Variants in BSPRY observed in about 807,000 individuals in gnomAD.
BSPRY encodes the protein B-box and SPRY domain containing.
BSPRY carries 33 observed loss-of-function variants against 38.0 expected under a neutral mutation model. That is an observed-to-expected ratio of 0.87 (90% CI 0.66 to 1.16). BSPRY has a LOEUF of 1.16. Ranked by LOEUF, BSPRY falls within the 50% of genes most tolerant of loss-of-function variation. BSPRY has a pLI of 0.00. For synonymous variants in BSPRY, 224 were observed against 228.5 expected (o/e 0.98, Z 0.18); for missense variants, 523 against 533.2 (o/e 0.98, Z 0.19).
chr9:113,352,331 C>T (rs6478006), intron 1 of BSPRY, among the ~76,000 whole-genome samples: 1 of 151,934 alleles, frequency 6.6e-6, no homozygotes, highest in Non-Finnish European at 1.5e-5. Context: ...AGACAGATAC[C>T]CAAAAAGGTA....
At chr9:113,363,922 C>T (rs1834199620) in intron 4 of BSPRY, among the ~76,000 whole-genome samples, 1 of 141,790 alleles carries the variant, frequency 7.1e-6, no homozygotes, top group African/African-American at 2.6e-5. Flanking sequence ...GGCGTGATGA[C>T]TCACGCCTGT....
At chr9:113,357,776 A>T (rs932816247) in intron 2 of BSPRY, among the ~76,000 whole-genome samples, 3 of 150,592 alleles carry the variant, frequency 2.0e-5, no homozygotes, top group African/African-American at 7.3e-5. Flanking sequence ...TGGCGCAATC[A>T]TAGCTCACTG....
At chr9:113,355,997 T>C (rs1834051614) in intron 2 of BSPRY, among the ~76,000 whole-genome samples, 1 of 152,192 alleles carries the variant, frequency 6.6e-6, no homozygotes, top group South Asian at 2.1e-4. Context: ...GCACCTACCA[T>C]GTGCCAGATA....
At chr9:113,349,974 C>A (rs1017549623) in intron 1 of BSPRY, among the ~76,000 whole-genome samples, 194 bp downstream of exon 1, 12 of 152,138 alleles carry the variant, frequency 7.9e-5, no homozygotes, top group African/African-American at 2.9e-4. Flanking sequence ...GGCCTGAGTT[C>A]GAATCTACTC....
At chr9:113,350,833 C>G (rs1351553202) in intron 1 of BSPRY, among the ~76,000 whole-genome samples, 1 of 152,168 alleles carries the variant, frequency 6.6e-6, no homozygotes, top group African/African-American at 2.4e-5. Flanking sequence ...ACCTGGATAA[C>G]GCGGTGTAAT....
intron 1 of BSPRY, among the ~76,000 whole-genome samples, chr9:113,352,455 A>T (rs1833987856): frequency 6.7e-6 from 1 of 148,324 alleles, no homozygotes; most frequent in African/African-American, 2.5e-5. Flanking sequence ...TGAAGAGATG[A>T]CATCTGAATG....
chr9:113,358,897 T>C (rs1385885082), intron 2 of BSPRY, among the ~76,000 whole-genome samples: 2 of 152,138 alleles, frequency 1.3e-5, no homozygotes, highest in Non-Finnish European at 2.9e-5. Flanking sequence ...ATGCAGTTGC[T>C]CATGACTGTA....
chr9:113,370,177 C>T lies in BSPRY; in HGVS notation c.*35C>T. On this transcript the variant is annotated 3_prime_UTR_variant, in exon 6 of 6. Coordinates refer to ENST00000374183, the MANE Select transcript of BSPRY (RefSeq NM_017688.3). This position sits in a 1 kb window ranked among gnomAD's most constrained non-coding sequence, Gnocchi z 4.8. Reference sequence around the variant, plus strand: ...ACAGGAAGCCAGGTCCACCGCCCACCACCCTTTCAGGCCATGTTTCTACTC... The same window carrying T: ...ACAGGAAGCCAGGTCCACCGCCCACTACCCTTTCAGGCCATGTTTCTACTC... 1 of 1,521,512 alleles carries T rather than the reference C, an allele frequency of 6.6e-7. No individual in the cohort carries two copies. The highest frequency in any genetic ancestry group is 2.3e-5 in the East Asian group (1 of 44,042). 94.3% of individuals were successfully genotyped at this position (1,521,512 alleles called of 1,614,324 possible). A position where few individuals can be genotyped will look rare whatever the true frequency, so the allele number is the denominator to read the frequency against.
rs3750529 is a variant in BSPRY at position 113,369,995 on chromosome 9, G to T, written c.1062G>T (p.Leu354=). The change falls in exon 6 of 6, where the codon CTG becomes CTT. Residue 354 remains leucine (L), a synonymous_variant. Transcript: ENST00000374183. ...GGCTGCTGCGGGGCCCAGCCCAGCT[G>T]GGTGTAGTGCTGGACTTGCAGGTTC... ...PLGLLRGPAQ[L]GVVLDLQVQE... is the part of the protein sequence containing the mutation. 6.2e-7 allele frequency: 1 copy of T among 1,614,006 alleles called. No homozygotes were observed. The highest frequency in any genetic ancestry group is 1.3e-5 in the African/African-American group (1 of 74,934).
At chr9:113,356,597 T>C (rs796814703) in intron 2 of BSPRY, among the ~76,000 whole-genome samples, 1 of 152,132 alleles carries the variant, frequency 6.6e-6, no homozygotes, top group South Asian at 2.1e-4. Context: ...GAAGCCATTG[T>C]AATAATCCAG....
chr9:113,369,557 G>A, intron 5 of BSPRY, 59 bp from the exon 6 acceptor site: 2 of 1,524,956 alleles, frequency 1.3e-6, no homozygotes, highest in Non-Finnish European at 1.8e-6. Context: ...TTGCTACCTG[G>A]CAGGACCAGG....
intron 2 of BSPRY, among the ~76,000 whole-genome samples, chr9:113,354,580 A>G (rs1834026527): frequency 6.6e-6 from 1 of 152,196 alleles, no homozygotes; most frequent in African/African-American, 2.4e-5. Flanking sequence ...ATAGGGGATC[A>G]AGAAGGGTCG....
chr9:113,365,752 T>C (rs199801878), intron 4 of BSPRY, among the ~76,000 whole-genome samples: 1 of 105,442 alleles, frequency 9.5e-6, no homozygotes, highest in African/African-American at 3.1e-5. Flanking sequence ...AGAGAGAGAG[T>C]GTGTGTGTGT....
chr9:113,363,215 G>A (rs1203956037), intron 4 of BSPRY, among the ~76,000 whole-genome samples: 1 of 152,200 alleles, frequency 6.6e-6, no homozygotes, highest in African/African-American at 2.4e-5. Context: ...GGAGGCCAAG[G>A]CAGGATGGTA....
chr9:113,366,299 A>G (rs766235504), intron 4 of BSPRY, among the ~76,000 whole-genome samples: 2 of 152,230 alleles, frequency 1.3e-5, no homozygotes, highest in South Asian at 2.1e-4. Flanking sequence ...AGGCCTATCC[A>G]TAGAGTTCCA....
Position 113,370,403 on chromosome 9 carries a change from G to T in BSPRY, c.*261G>T. 6.3e-6 allele frequency: 2 copies of T among 315,336 alleles called. No individual in the cohort carries two copies. Among genetic ancestry groups the T allele is most frequent in the East Asian group, 5.0e-5 (1 of 20,144 alleles). The allele number at this position is 315,336 out of a possible 1,614,324, so 19.5% of individuals were successfully genotyped here. On this transcript the variant is annotated 3_prime_UTR_variant, in exon 6 of 6. Coordinates refer to ENST00000374183, the MANE Select transcript of BSPRY (RefSeq NM_017688.3). The surrounding 1 kb of genome is among the most constrained non-coding windows in gnomAD (Gnocchi z 4.8). ...CACATAAAATACACTAACGATAGCT[G>T]ATGAGCTAAAAAAAAAAAAAAAGTC...
intron 4 of BSPRY, among the ~76,000 whole-genome samples, chr9:113,365,993 C>T (rs190122300): frequency 2.6e-5 from 4 of 151,968 alleles, no homozygotes; most frequent in African/African-American, 7.2e-5. Context: ...TTAGTGGAGA[C>T]AAGGTTTCAC....
intron 2 of BSPRY, among the ~76,000 whole-genome samples, chr9:113,355,718 G>A (rs1394370076): frequency 1.3e-5 from 2 of 151,572 alleles, no homozygotes; most frequent in African/African-American, 4.9e-5. Flanking sequence ...GGGTTCGAGC[G>A]ATTCTCCTGC....
chr9:113,355,619 T>G lies in BSPRY; in HGVS notation c.300+1281T>G, dbSNP rs577725329. Among the ~76,000 whole-genome samples, 274 of 76,634 alleles carry G rather than the reference T, an allele frequency of 3.6e-3. 1 individual carries two copies. The highest frequency in any genetic ancestry group is 5.4e-3 in the Non-Finnish European group (233 of 42,832). The allele number at this position is 76,634 out of a possible 152,430, so 50.3% of individuals were successfully genotyped here. A position where few individuals can be genotyped will look rare whatever the true frequency, so the allele number is the denominator to read the frequency against. On this transcript the variant is annotated intron_variant, in intron 2 of 5. Transcript: ENST00000374183. ...GAAGCTAGTGTGGCAAATCCTGGCT[T>G]TTTTTTTTTTTTGAGACAGAGTTTC... is the stretch of plus-strand genomic sequence containing the variant.
Sources: allele counts gnomAD v4.1 joint callset (sites outside exome capture counted in the v4.1 genomes callset), GRCh38; gene constraint gnomAD v4.1.1; non-coding constraint Gnocchi (gnomAD v3.1); transcripts MANE v1.5; gene names NCBI Gene and HGNC (gene_info 2026-07-23, HGNC 2026-07-21).